Variants in SCN9A observed in about 807,000 individuals in gnomAD.
SCN9A encodes the protein sodium channel protein type 9 subunit alpha.
Under a neutral mutation model 187.0 loss-of-function variants are expected in SCN9A, and 131 were observed. The ratio of observed to expected loss-of-function variants is 0.70; its 90% CI spans 0.61 to 0.81. The LOEUF (loss-of-function observed/expected upper bound fraction) is 0.81. SCN9A is among the 30% of genes least tolerant of loss of function. SCN9A has a pLI of 0.00. For missense variants in SCN9A, 2,252 were observed against 2,396.6 expected (o/e 0.94, Z 1.26); for synonymous variants, 809 against 808.6 (o/e 1.00, Z -0.01).
In SCN9A at chr2:166,284,607, C is replaced by G. The variant is rs373097296; in HGVS notation, c.1820G>C (p.Arg607Thr). 1.7e-5 allele frequency: 27 copies of G among 1,614,028 alleles called. No homozygotes were observed. In the South Asian group the frequency reaches 3.0e-4, roughly 18 times the overall value. ...RRSSNISQAS[R>T]SPPMLPVNGK... is the part of the protein sequence containing the mutation. ...GTTCACCGGCAGCATTGGTGGGGACCTACTGGCTTGGCTGATGTTACTGCT... is the reference window on the plus strand; with the variant it reads ...GTTCACCGGCAGCATTGGTGGGGACGTACTGGCTTGGCTGATGTTACTGCT... Residue 607 changes from arginine to threonine, a missense_variant, in exon 12 of 27, where the codon AGG becomes ACG. By Grantham distance (71) the Arg-to-Thr change is moderately conservative. Coordinates refer to ENST00000642356, the MANE Select transcript of SCN9A (RefSeq NM_001365536.1).
In SCN9A at chr2:166,277,236, G is replaced by A. The variant is rs201233619; in HGVS notation, c.2621C>T (p.Ala874Val). The A allele has an allele frequency of 2.5e-6, 4 of 1,614,048 alleles. No homozygotes were observed. Among genetic ancestry groups the A allele is most frequent in the Non-Finnish European group, 3.4e-6 (4 of 1,179,970 alleles). Residue 874 changes from alanine (A) to valine (V), a missense_variant, in exon 16 of 27, where the codon GCC becomes GTC. This residue lies in a region of SCN9A where 119 missense variants were observed against 188.7 expected (regional missense o/e 0.63). Transcript: ENST00000642356. ...GALGNLTLVL[A>V]IIVFIFAVVG... ...CACAGCAAAAATGAAGACGATGATG[G>A]CCAACACTAAGGTGAGGTTACCTAG...
At position 166,303,187 on chromosome 2, in the gene SCN9A, C is replaced by A. The variant is rs1448381323; in HGVS notation, c.804G>T (p.Met268Ile). ...GAAAACATTTATGCTTCAGGTTTCC[C>A]ATGAACAGCTGTAGTCCAATTAGTG... ...VFALIGLQLF[M>I]GNLKHKCFRN... Residue 268 changes from methionine to isoleucine, a missense_variant, in exon 7 of 27, where the codon ATG (methionine) becomes ATT (isoleucine). By Grantham distance (10) the Met-to-Ile change is conservative. Coordinates refer to ENST00000642356, the MANE Select transcript of SCN9A (RefSeq NM_001365536.1). 1 of 1,613,620 alleles carries A rather than the reference C, an allele frequency of 6.2e-7. No homozygotes were observed. The highest frequency in any genetic ancestry group is 2.2e-5 in the East Asian group (1 of 44,830).
chr2:166,299,732 C>T (rs1018638957), intron 7 of SCN9A, among the ~76,000 whole-genome samples: 1 of 150,790 alleles, frequency 6.6e-6, no homozygotes, highest in African/African-American at 2.5e-5. Context: ...GAATTTATCT[C>T]CAAACTCAGC....
At chr2:166,350,926 T>A (rs547938227) in intron 1 of SCN9A, among the ~76,000 whole-genome samples, 2 of 152,176 alleles carry the variant, frequency 1.3e-5, no homozygotes, top group African/African-American at 2.4e-5. Context: ...ATAAAGCGAA[T>A]GCTATTTTGA....
At chr2:166,231,782 A>C (rs1695097716) in intron 21 of SCN9A, among the ~76,000 whole-genome samples, 1 of 151,768 alleles carries the variant, frequency 6.6e-6, no homozygotes, top group Non-Finnish European at 1.5e-5. Context: ...CGAACTCCTG[A>C]CCTCATGATC....
chr2:166,234,176 A>G (rs1388268341), intron 20 of SCN9A, among the ~76,000 whole-genome samples: 4 of 152,192 alleles, frequency 2.6e-5, no homozygotes, highest in East Asian at 1.9e-4. Flanking sequence ...CTTATCGTAA[A>G]TTATCTTAAG....
intron 24 of SCN9A, among the ~76,000 whole-genome samples, chr2:166,225,501 C>T (rs757993513): frequency 6.6e-6 from 1 of 152,090 alleles, no homozygotes; most frequent in African/African-American, 2.4e-5. Context: ...ATCACATACT[C>T]GATATATGAC....
intron 1 of SCN9A, among the ~76,000 whole-genome samples, chr2:166,332,034 A>G (rs1398025921): frequency 1.3e-5 from 2 of 152,174 alleles, no homozygotes; most frequent in Non-Finnish European, 2.9e-5. Flanking sequence ...TAAAGTGACT[A>G]TATTTCCATT....
chr2:166,343,798 AAAAAGAAAAG>A (rs149739106), intron 1 of SCN9A, among the ~76,000 whole-genome samples: 165 of 151,564 alleles, frequency 1.1e-3, no homozygotes, highest in African/African-American at 3.7e-3. Context: ...TGTGTTTCAA[AAAAAGAAAAG>A]AAAAGAAAAG....
chr2:166,332,234 G>C (rs1699522057), intron 1 of SCN9A, among the ~76,000 whole-genome samples: 1 of 152,116 alleles, frequency 6.6e-6, no homozygotes, highest in Non-Finnish European at 1.5e-5. Context: ...AGTCTAGCCA[G>C]CTGGGTCTGC....
Position 166,204,358 on chromosome 2 carries a change from A to G in SCN9A, c.4503+2T>C, listed in dbSNP as rs542099035. The G allele has an allele frequency of 6.3e-7, 1 of 1,599,962 alleles. No individual in the cohort carries two copies. The highest frequency in any genetic ancestry group is 1.3e-5 in the African/African-American group (1 of 74,648). On this transcript the variant is annotated splice_donor_variant, in intron 25 of 26. Coordinates refer to ENST00000642356, the MANE Select transcript of SCN9A (RefSeq NM_001365536.1). LOFTEE classifies it high-confidence loss of function. ...ATGCTAAAGATATATATATTTTTTT[A>G]CCCCTGGTCGAGGAATTGGCTTTTG... is the stretch of plus-strand genomic sequence containing the variant.
intron 1 of SCN9A, among the ~76,000 whole-genome samples, chr2:166,350,928 C>G (rs1018543723): frequency 6.6e-6 from 1 of 152,102 alleles, no homozygotes; most frequent in African/African-American, 2.4e-5. Context: ...AAAGCGAATG[C>G]TATTTTGACG....
At chr2:166,223,795 T>C (rs959537583) in intron 24 of SCN9A, among the ~76,000 whole-genome samples, 1 of 152,220 alleles carries the variant, frequency 6.6e-6, no homozygotes, top group Non-Finnish European at 1.5e-5. Flanking sequence ...ATTTGTTTTT[T>C]TTCTTTGGAA....
chr2:166,210,324 G>C (rs1046609609), intron 24 of SCN9A, among the ~76,000 whole-genome samples: 1 of 151,840 alleles, frequency 6.6e-6, no homozygotes, highest in African/African-American at 2.4e-5. Flanking sequence ...GGGGAGGAGG[G>C]GGATATACCT....
Position 166,294,632 on chromosome 2 carries a change from T to A in SCN9A, c.932A>T (p.Asp311Val). The part of the protein sequence containing the change: ...KYFYYLEGSK[D>V]ALLCGFSTDS... ...TGTGCTGAAACCACAAAGGAGAGCA[T>A]CTTTGGATCCTTCCAAGTAATAAAA... is the stretch of plus-strand genomic sequence containing the variant. Residue 311 changes from aspartate (D) to valine (V), a missense_variant, in exon 8 of 27, where the codon GAT (aspartate) becomes GTT (valine). Physicochemically the swap from Asp to Val is radical, Grantham distance 152 (BLOSUM62 -3). Transcript: ENST00000642356. The A allele has an allele frequency of 6.2e-7, 1 of 1,610,730 alleles. No individual in the cohort carries two copies. The highest frequency in any genetic ancestry group is 8.5e-7 in the Non-Finnish European group (1 of 1,178,026).
intron 17 of SCN9A, among the ~76,000 whole-genome samples, chr2:166,267,980 G>T (rs1198441290): frequency 6.6e-6 from 1 of 151,966 alleles, no homozygotes; most frequent in African/African-American, 2.4e-5. Context: ...AAGTCCCCAA[G>T]TATGTCTTTC....
chr2:166,228,564 G>A, intron 22 of SCN9A, 127 bp downstream of exon 22: 1 of 866,184 alleles, frequency 1.2e-6, no homozygotes, highest in Non-Finnish European at 1.6e-6. Context: ...GCCAAGACTG[G>A]CACTGTTTTA....
chr2:166,300,950 G>T (rs1386870218), intron 7 of SCN9A: 1 of 150,156 alleles, frequency 6.7e-6, no homozygotes, highest in Non-Finnish European at 1.5e-5. Context: ...TGTTGCCCAG[G>T]CTGGAGTGCA....
chr2:166,337,004 A>C (rs761104208), intron 1 of SCN9A, among the ~76,000 whole-genome samples: 1 of 152,182 alleles, frequency 6.6e-6, no homozygotes, highest in Non-Finnish European at 1.5e-5. Context: ...CAGGAAAATG[A>C]TCAAGTCCAT....
Sources: gnomAD v4.1 joint callset for allele counts (sites outside exome capture counted in the v4.1 genomes callset) on GRCh38, gnomAD v4.1.1 for gene constraint, gnomAD v4.1.1 regional missense constraint, MANE v1.5 for transcripts, NCBI Gene and HGNC (gene_info 2026-07-23, HGNC 2026-07-21) for gene names.